WFDC5: variants seen among roughly 807,000 people sequenced by gnomAD.
WFDC5 encodes the protein WAP four-disulfide core domain protein 5.
In WFDC5, 15 loss-of-function variants were observed where a neutral mutation model predicts 15.7. The ratio of observed to expected loss-of-function variants is 0.96; its 90% CI spans 0.64 to 1.47. The LOEUF (loss-of-function observed/expected upper bound fraction) is 1.47, where lower values mean the gene tolerates loss of function less well. Ranked by LOEUF, WFDC5 falls within the 40% of genes most tolerant of loss-of-function variation. WFDC5 has a pLI of 0.00. For synonymous variants in WFDC5, 109 were observed against 107.7 expected (o/e 1.01, Z -0.07); for missense variants, 280 against 258.0 (o/e 1.09, Z -0.59).
intron 1 of WFDC5, among the ~76,000 whole-genome samples, chr20:45,113,798 G>C (rs1257157541): frequency 6.6e-6 from 1 of 152,006 alleles, no homozygotes; most frequent in Non-Finnish European, 1.5e-5. Flanking sequence ...AGTTGGTAAA[G>C]TGAATCTTTC....
Position 45,109,980 on chromosome 20 carries a change from G to T in WFDC5, c.427C>A (p.Leu143Ile), listed in dbSNP as rs1329557546. The T allele has an allele frequency of 8.1e-6, 13 of 1,614,032 alleles. No homozygotes were observed. In the East Asian group the frequency reaches 2.0e-4, roughly 25 times the overall value. Residue 143 changes from leucine (L) to isoleucine (I), a missense_variant, in exon 4 of 4, where the codon CTA becomes ATA. Transcript: ENST00000307971. ...ACTCTTTCCGTTGGTCCCCAGCTTA[G>T]GTGCAGAGCCACAGATCCTAAATCA...
exon 4 of WFDC5, chr20:45,109,774 T>A: frequency 1.4e-6 from 1 of 721,806 alleles, no homozygotes; most frequent in Non-Finnish European, 2.6e-6. Flanking sequence ...TGCAGAGTAC[T>A]GGGGTGATAC....
chr20:45,114,965 T>C (rs368448027), intron 1 of WFDC5, 34 bp downstream of exon 1: 6 of 1,605,448 alleles, frequency 3.7e-6, no homozygotes, highest in Non-Finnish European at 5.1e-6. Context: ...AGAGACAATC[T>C]GGTCCCCCCA....
intron 1 of WFDC5, among the ~76,000 whole-genome samples, chr20:45,114,766 C>A (rs1981711536): frequency 6.6e-6 from 1 of 152,034 alleles, no homozygotes. Flanking sequence ...GCAGAAAAGA[C>A]ACTTACAGAT....
upstream of WFDC5, among the ~76,000 whole-genome samples, chr20:45,115,380 T>C (rs745729749): frequency 3.3e-5 from 5 of 152,194 alleles, no homozygotes; most frequent in African/African-American, 1.2e-4. Context: ...CTTCAGTTTT[T>C]TCATCTGTAC....
chr20:45,110,428 G>T lies in WFDC5; in HGVS notation c.339C>A (p.Cys113Ter), dbSNP rs145123781. 4 of 1,610,252 alleles carry T rather than the reference G, an allele frequency of 2.5e-6. No homozygotes were observed. The highest frequency in any genetic ancestry group is 2.5e-6 in the Non-Finnish European group (3 of 1,178,550). The change falls in exon 3 of 4, where the codon TGC (cysteine) becomes TGA (stop). Residue 113 changes from cysteine (C) to a stop codon, truncating the protein, a stop_gained. Coordinates refer to ENST00000307971, the Ensembl canonical transcript of WFDC5. LOFTEE classifies it high-confidence loss of function. ...TGGCAGGATCCCGGCAATCCCGCCC[G>T]CAGGCGCTGTGGCAGCATCGCTTTT...
exon 3 of WFDC5, chr20:45,110,405 G>T: frequency 6.2e-7 from 1 of 1,602,380 alleles, no homozygotes; most frequent in Non-Finnish European, 8.5e-7. Flanking sequence ...CGTACCTCTG[G>T]CAGGATCCCG....
At chr20:45,110,664 C>T (rs773982363) in exon 2 of WFDC5, 4 of 1,614,096 alleles carry the variant, frequency 2.5e-6, no homozygotes, top group Non-Finnish European at 2.5e-6. Flanking sequence ...CTGGCGGAAG[C>T]AAGCTCTGTA....
chr20:45,109,687 C>G (rs1458601205), exon 4 of WFDC5: 2 of 701,428 alleles, frequency 2.9e-6, no homozygotes, highest in East Asian at 5.4e-5. Flanking sequence ...CTGAATTGGG[C>G]ATTTTTGGTG....
rs367762379 is a variant in WFDC5, at chr20:45,114,899, A to G, written c.85+100T>C. The G allele has an allele frequency of 8.6e-4, 1,105 of 1,286,638 alleles. 10 individuals carry two copies. In the African/African-American group the frequency reaches 0.015, roughly 17 times the overall value. The allele number at this position is 1,286,638 out of a possible 1,614,324, so 79.7% of individuals were successfully genotyped here. A position where few individuals can be genotyped will look rare whatever the true frequency, so the allele number is the denominator to read the frequency against. On this transcript the variant is annotated intron_variant, in intron 1 of 3. Coordinates refer to ENST00000307971, the Ensembl canonical transcript of WFDC5. ...CGCACGCACACACACACGCGCACAC[A>G]CACCCCACAGGGCATTACCTGCCTT... is the stretch of plus-strand genomic sequence containing the variant.
At chr20:45,109,626 GA>G (rs1981551511) in exon 4 of WFDC5, 2 of 636,798 alleles carry the variant, frequency 3.1e-6, no homozygotes, top group Admixed American at 2.6e-5. Flanking sequence ...AACTCTGCAA[GA>G]ATATTCATTC....
At chr20:45,111,826 G>C (rs79191989) in intron 1 of WFDC5, among the ~76,000 whole-genome samples, 155 of 152,266 alleles carry the variant, frequency 1.0e-3, no homozygotes, top group African/African-American at 3.2e-3. Context: ...CCCAGGGCCC[G>C]GCTCCCTCTG....
upstream of WFDC5, chr20:45,115,205 C>T: frequency 1.2e-6 from 1 of 866,154 alleles, no homozygotes; most frequent in Non-Finnish European, 1.7e-6. Flanking sequence ...GTGCCTGCTT[C>T]ATCTTGGCCC....
upstream of WFDC5, among the ~76,000 whole-genome samples, chr20:45,116,151 A>G (rs1468996221): frequency 6.6e-6 from 1 of 152,156 alleles, no homozygotes; most frequent in Non-Finnish European, 1.5e-5. Context: ...GGAGGGTGAT[A>G]TTACAGGGCT....
upstream of WFDC5, chr20:45,115,178 G>T (rs1181636486): frequency 1.6e-6 from 2 of 1,230,678 alleles, no homozygotes; most frequent in African/African-American, 1.5e-5. Flanking sequence ...GAAAGAGAGG[G>T]GGTGTGGAGT....
chr20:45,111,827 G>C (rs1472987722), intron 1 of WFDC5, among the ~76,000 whole-genome samples: 1 of 152,198 alleles, frequency 6.6e-6, no homozygotes, highest in Admixed American at 6.5e-5. Context: ...CCAGGGCCCG[G>C]CTCCCTCTGA....
exon 3 of WFDC5, chr20:45,110,476 G>A: frequency 6.2e-7 from 1 of 1,614,170 alleles, no homozygotes. Flanking sequence ...CTGAGTCCTT[G>A]TGACACAGGT....
At chr20:45,111,568 T>A (rs1034443029) in intron 1 of WFDC5, among the ~76,000 whole-genome samples, 3 of 152,212 alleles carry the variant, frequency 2.0e-5, no homozygotes, top group African/African-American at 7.2e-5. Context: ...CACCGTTGCG[T>A]TCATCACTGT....
chr20:45,112,899 A>G (rs1263356142), intron 1 of WFDC5, among the ~76,000 whole-genome samples: 1 of 152,242 alleles, frequency 6.6e-6, no homozygotes, highest in Non-Finnish European at 1.5e-5. Context: ...TCATGTATGT[A>G]CATATGAGCT....
Sources: allele counts gnomAD v4.1 joint callset (sites outside exome capture counted in the v4.1 genomes callset), GRCh38; gene constraint gnomAD v4.1.1; transcripts MANE v1.5; gene names NCBI Gene and HGNC (gene_info 2026-07-23, HGNC 2026-07-21).